Variants in CAMK2A observed in about 807,000 individuals in gnomAD.
The protein encoded by CAMK2A is calcium/calmodulin-dependent protein kinase type II subunit alpha.
CAMK2A carries 7 observed loss-of-function variants against 79.2 expected under a neutral mutation model. The observed-to-expected ratio is 0.09, with a 90% confidence interval of 0.05 to 0.17. The LOEUF (loss-of-function observed/expected upper bound fraction) is 0.17, where lower values mean the gene tolerates loss of function less well. Ranked by LOEUF, CAMK2A falls within the 10% of genes least tolerant of loss-of-function variation. The probability of loss-of-function intolerance (pLI) is 1.00; values close to 1 mark genes in which losing one functional copy is unlikely to be tolerated. For synonymous variants in CAMK2A, 242 were observed against 251.7 expected, an observed-to-expected ratio of 0.96 and a Z score of 0.36; for missense variants, 214 against 646.4, an observed-to-expected ratio of 0.33 and a Z score of 7.25.
chr5:150,246,968 C>T (rs1183491570), intron 12 of CAMK2A, among the ~76,000 whole-genome samples: 2 of 152,372 alleles, frequency 1.3e-5, no homozygotes, highest in African/African-American at 4.8e-5. Flanking sequence ...CCTCTACTGC[C>T]TGCCAGCGGC....
chr5:150,250,363 C>A, intron 10 of CAMK2A, 54 bp from the exon 11 acceptor site: 1 of 1,460,134 alleles, frequency 6.8e-7, no homozygotes, highest in South Asian at 1.1e-5. Flanking sequence ...GAAGACAGGC[C>A]CACCCAAGGG....
chr5:150,270,651 TG>T (rs1157532587), intron 2 of CAMK2A, among the ~76,000 whole-genome samples: 1 of 152,032 alleles, frequency 6.6e-6, no homozygotes, highest in Non-Finnish European at 1.5e-5. Flanking sequence ...AAGAAGCTTT[TG>T]CTCCTCCTCT....
rs13173132 is a variant in CAMK2A, at chr5:150,219,575, C to A, written c.*3135G>T. ...CTTCTTCCCATCCCACCCGCCCCCC[C>A]CAATAGCAGAAAGTTTGAGCAGTGT... is the stretch of plus-strand genomic sequence containing the variant. On this transcript the variant is annotated 3_prime_UTR_variant, in exon 19 of 19. Transcript: ENST00000671881. 2.5e-4 allele frequency: 31 copies of A among 126,020 alleles called. 1 individual carries two copies. Among genetic ancestry groups the A allele is most frequent in the Non-Finnish European group, 4.2e-4 (25 of 59,600 alleles). The allele number at this position is 126,020 out of a possible 1,614,324, so 7.8% of individuals were successfully genotyped here.
At position 150,231,416 on chromosome 5, in the gene CAMK2A, TAATAA is replaced by T. The variant is rs1754835923; in HGVS notation, c.1067-41_1067-37del. 8.0e-6 allele frequency: 5 copies of T among 628,026 alleles called. 1 individual carries two copies. Among genetic ancestry groups the T allele is most frequent in the Non-Finnish European group, 1.2e-5 (5 of 418,886 alleles). 38.9% of individuals were successfully genotyped at this position (628,026 alleles called of 1,614,324 possible). On this transcript the variant is annotated intron_variant, in intron 15 of 18. Coordinates refer to ENST00000671881, the MANE Select transcript of CAMK2A (RefSeq NM_015981.4). ...GAAGGGGACACAGAAATAATAATAA[TAATAA>T]TAATAATAATAATAATAATAATAGT...
chr5:150,257,982 G>A (rs905620944), intron 3 of CAMK2A, among the ~76,000 whole-genome samples: 1 of 152,232 alleles, frequency 6.6e-6, no homozygotes, highest in Non-Finnish European at 1.5e-5. Flanking sequence ...AAGTTGCTAG[G>A]CCTTTCTGAG....
chr5:150,241,923 G>T (rs1261704941), intron 13 of CAMK2A, among the ~76,000 whole-genome samples: 1 of 152,166 alleles, frequency 6.6e-6, no homozygotes, highest in Admixed American at 6.5e-5. Context: ...ACACAGCTCA[G>T]CTGTCAGCAG....
intron 13 of CAMK2A, 138 bp from the exon 14 acceptor site, chr5:150,239,874 C>T (rs1030802339): frequency 1.6e-5 from 12 of 768,494 alleles, no homozygotes; most frequent in African/African-American, 3.4e-5. Flanking sequence ...GGCTTGGCAT[C>T]GGGACAAGGA....
At chr5:150,229,087 G>A (rs1307287426) in intron 16 of CAMK2A, among the ~76,000 whole-genome samples, 1 of 152,206 alleles carries the variant, frequency 6.6e-6, no homozygotes, top group Non-Finnish European at 1.5e-5. Context: ...CCAGGGGCAG[G>A]AAATGTCCCA....
Position 150,267,360 on chromosome 5 carries a change from A to C in CAMK2A, c.158-2345T>G, listed in dbSNP as rs1213188440. The stretch of plus-strand genomic sequence containing the variant: ...GGGAAGGAGGCTTCTGGCTTAGGCT[A>C]TACATTCAGGAAGCAGAAGCCCCAA... On this transcript the variant is annotated intron_variant, in intron 2 of 18. Coordinates refer to ENST00000671881, the MANE Select transcript of CAMK2A (RefSeq NM_015981.4). Among the ~76,000 whole-genome samples the C allele has an allele frequency of 5.9e-5, 9 of 152,326 alleles. No homozygotes were observed. In the South Asian group the frequency reaches 1.7e-3, roughly 28 times the overall value.
At position 150,222,233 on chromosome 5, in the gene CAMK2A, C is replaced by T. The variant is rs376905162; in HGVS notation, c.*477G>A. 1,670 of 494,606 alleles carry T rather than the reference C, an allele frequency of 3.4e-3. 36 individuals are homozygous for T. Among genetic ancestry groups the T allele is most frequent in the South Asian group, 0.031 (1,368 of 44,430 alleles). 30.6% of individuals were successfully genotyped at this position (494,606 alleles called of 1,614,324 possible). Reference sequence around the variant, plus strand: ...TGCTCTTCTCCCCACTCCTTCAGTGCGGTTGGCTTAGGGGGAAGGGAGTGT... The same window carrying T: ...TGCTCTTCTCCCCACTCCTTCAGTGTGGTTGGCTTAGGGGGAAGGGAGTGT... On this transcript the variant is annotated 3_prime_UTR_variant, in exon 19 of 19. Transcript: ENST00000671881.
At chr5:150,281,019 C>T (rs1267732926) in intron 1 of CAMK2A, among the ~76,000 whole-genome samples, 5 of 152,188 alleles carry the variant, frequency 3.3e-5, no homozygotes, top group African/African-American at 1.2e-4. Context: ...CAAAGCAGTC[C>T]ATGACTCTGC....
At chr5:150,254,772 C>T (rs1303588661) in intron 6 of CAMK2A, among the ~76,000 whole-genome samples, 1 of 152,194 alleles carries the variant, frequency 6.6e-6, no homozygotes, top group Non-Finnish European at 1.5e-5. Context: ...TTAGTTTCCT[C>T]TGAGAAAAAT....
intron 1 of CAMK2A, among the ~76,000 whole-genome samples, chr5:150,277,340 C>A (rs1171399087): frequency 6.6e-5 from 10 of 152,184 alleles, no homozygotes; most frequent in Admixed American, 5.9e-4. Context: ...CCCAGGCAGC[C>A]CAGCACTGCC....
intron 2 of CAMK2A, among the ~76,000 whole-genome samples, chr5:150,265,871 G>A (rs1390437802): frequency 6.6e-6 from 1 of 151,380 alleles, no homozygotes; most frequent in Non-Finnish European, 1.5e-5. Flanking sequence ...GAAGATGGAG[G>A]TTGGAGTGAG....
chr5:150,256,339 A>G lies in CAMK2A; in HGVS notation c.411+234T>C, dbSNP rs1756057487. On this transcript the variant is annotated intron_variant, in intron 6 of 18. Coordinates refer to ENST00000671881, the MANE Select transcript of CAMK2A (RefSeq NM_015981.4). This position sits in a 1 kb window ranked among gnomAD's most constrained non-coding sequence, Gnocchi z 4.6. Reference sequence around the variant, plus strand: ...ATAACTGCAGCTCACCCATCCTGGCACAAAGCATGTGGGCTGGGAGTTGGA... The same window carrying G: ...ATAACTGCAGCTCACCCATCCTGGCGCAAAGCATGTGGGCTGGGAGTTGGA... Among the ~76,000 whole-genome samples, 1 of 152,176 alleles carries G rather than the reference A, an allele frequency of 6.6e-6. No individual in the cohort carries two copies. The highest frequency in any genetic ancestry group is 6.5e-5 in the Admixed American group (1 of 15,278).
chr5:150,261,081 G>T (rs1756286909), intron 3 of CAMK2A, among the ~76,000 whole-genome samples: 1 of 136,986 alleles, frequency 7.3e-6, no homozygotes, highest in African/African-American at 2.6e-5. Flanking sequence ...CCCCTTTAGA[G>T]AATGTCCTCA....
intron 13 of CAMK2A, among the ~76,000 whole-genome samples, chr5:150,244,748 C>T (rs1051974454): frequency 2.0e-5 from 3 of 152,122 alleles, no homozygotes; most frequent in African/African-American, 4.8e-5. Context: ...AGGTGTACAG[C>T]GGGGCAGGGG....
In CAMK2A at chr5:150,284,849, G is replaced by T. The variant is rs923953518; in HGVS notation, c.62+4715C>A. Among the ~76,000 whole-genome samples the T allele has an allele frequency of 1.3e-5, 2 of 152,114 alleles. No homozygotes were observed. Among genetic ancestry groups the T allele is most frequent in the African/African-American group, 4.8e-5 (2 of 41,408 alleles). On this transcript the variant is annotated intron_variant, in intron 1 of 18. Transcript: ENST00000671881. This position sits in a 1 kb window ranked among gnomAD's most constrained non-coding sequence, Gnocchi z 5.3. ...ATGCAATGAGCAGAGCATCTCCATG[G>T]TCCTTACAATTCTGATGTTCCGGAG...
At chr5:150,273,508 G>C (rs1314879916) in intron 1 of CAMK2A, among the ~76,000 whole-genome samples, 3 of 152,176 alleles carry the variant, frequency 2.0e-5, no homozygotes, top group African/African-American at 4.8e-5. Flanking sequence ...GTAGGTAAAC[G>C]TGGATATGGT....
Sources: allele counts gnomAD v4.1 joint callset (sites outside exome capture counted in the v4.1 genomes callset), GRCh38; gene constraint gnomAD v4.1.1; non-coding constraint Gnocchi (gnomAD v3.1); transcripts MANE v1.5; gene names NCBI Gene and HGNC (gene_info 2026-07-23, HGNC 2026-07-21).